The following CDK14 variants were observed in gnomAD, a reference collection of about 807,000 sequenced individuals.
CDK14 encodes the protein cyclin-dependent kinase 14.
CDK14 carries 34 observed loss-of-function variants against 60.7 expected under a neutral mutation model. That is an observed-to-expected ratio of 0.56 (90% CI 0.43 to 0.75). The LOEUF (loss-of-function observed/expected upper bound fraction) is 0.75, where lower values mean the gene tolerates loss of function less well. Ranked by LOEUF, CDK14 falls within the 30% of genes least tolerant of loss-of-function variation. CDK14 has a pLI of 0.00. For missense variants in CDK14, 482 were observed against 564.1 expected (o/e 0.85, Z 1.47); for synonymous variants, 197 against 203.7 (o/e 0.97, Z 0.28).
chr7:90,869,437 G>A (rs145383272), intron 6 of CDK14, among the ~76,000 whole-genome samples: 1 of 152,360 alleles, frequency 6.6e-6, no homozygotes, highest in African/African-American at 2.4e-5. Context: ...GACAAGGTTT[G>A]AGATGCAATG....
At chr7:90,829,113 T>A (rs996756310) in intron 5 of CDK14, among the ~76,000 whole-genome samples, 14 of 152,286 alleles carry the variant, frequency 9.2e-5, no homozygotes, top group African/African-American at 3.1e-4. Context: ...ATTCATTCAC[T>A]ATCATGAGCA....
At chr7:90,700,751 AT>A (rs1015340736) in intron 2 of CDK14, among the ~76,000 whole-genome samples, 1 of 152,050 alleles carries the variant, frequency 6.6e-6, no homozygotes, top group Non-Finnish European at 1.5e-5. Flanking sequence ...AAATCTGCCA[AT>A]TTTGCCTGAT....
intron 2 of CDK14, among the ~76,000 whole-genome samples, chr7:90,680,512 G>A (rs1801291785): frequency 6.6e-6 from 1 of 152,172 alleles, no homozygotes; most frequent in Admixed American, 6.5e-5. Context: ...AGCCAGATGA[G>A]ACCCTCAGGT....
chr7:91,156,413 GA>G, intron 14 of CDK14, among the ~76,000 whole-genome samples: 1 of 152,010 alleles, frequency 6.6e-6, no homozygotes, highest in Non-Finnish European at 1.5e-5. Flanking sequence ...GGATTCTTTA[GA>G]ACGGCTGTTT....
chr7:91,139,221 T>A (rs997183119), intron 14 of CDK14, among the ~76,000 whole-genome samples: 1 of 152,196 alleles, frequency 6.6e-6, no homozygotes, highest in Non-Finnish European at 1.5e-5. Flanking sequence ...CAGTGTTTTT[T>A]TAACTCCTTA....
chr7:91,089,977 C>T (rs1354432546), intron 12 of CDK14, among the ~76,000 whole-genome samples: 1 of 152,188 alleles, frequency 6.6e-6, no homozygotes, highest in Non-Finnish European at 1.5e-5. Context: ...ACTTTACCTT[C>T]CTATCTTAGA....
chr7:91,066,312 A>C (rs1423173372), intron 11 of CDK14, among the ~76,000 whole-genome samples: 2 of 152,120 alleles, frequency 1.3e-5, no homozygotes, highest in Non-Finnish European at 2.9e-5. Flanking sequence ...CTGAAGTTTG[A>C]GCCTTTTTAT....
intron 12 of CDK14, among the ~76,000 whole-genome samples, chr7:91,086,302 A>G (rs1798637488): frequency 1.3e-5 from 2 of 152,224 alleles, no homozygotes; most frequent in African/African-American, 4.8e-5. Flanking sequence ...AACATCAAGC[A>G]GACATTCCTT....
intron 9 of CDK14, among the ~76,000 whole-genome samples, chr7:90,973,506 TA>T (rs778602762): frequency 1.1e-4 from 16 of 152,280 alleles, no homozygotes; most frequent in Non-Finnish European, 1.8e-4. Context: ...TTTAAAATAT[TA>T]GAGTCTTTCT....
intron 11 of CDK14, among the ~76,000 whole-genome samples, chr7:91,048,089 T>C (rs1356488795): frequency 5.3e-5 from 8 of 152,096 alleles, no homozygotes; most frequent in Admixed American, 5.2e-4. Flanking sequence ...AGATAATAAA[T>C]TTAAGCAATT....
intron 8 of CDK14, among the ~76,000 whole-genome samples, chr7:90,941,509 C>T (rs780900794): frequency 1.9e-4 from 29 of 152,090 alleles, no homozygotes; most frequent in Non-Finnish European, 3.5e-4. Flanking sequence ...GGGTAAAGAG[C>T]GGTGGTGCAA....
chr7:90,956,700 G>T (rs1794426253), intron 9 of CDK14, among the ~76,000 whole-genome samples: 1 of 151,782 alleles, frequency 6.6e-6, no homozygotes, highest in Admixed American at 6.6e-5. Context: ...TGCCATGCTG[G>T]TGCGCTGCAC....
chr7:91,097,120 C>T (rs1799014881), intron 12 of CDK14, among the ~76,000 whole-genome samples: 1 of 152,096 alleles, frequency 6.6e-6, no homozygotes, highest in Admixed American at 6.5e-5. Context: ...GTGGCTCACA[C>T]CTGTAATCCC....
chr7:91,038,552 C>G (rs1004891853), intron 10 of CDK14, among the ~76,000 whole-genome samples: 3 of 152,108 alleles, frequency 2.0e-5, no homozygotes, highest in Non-Finnish European at 2.9e-5. Context: ...AGGGGCTTGT[C>G]CTGAGAAAAG....
intron 10 of CDK14, among the ~76,000 whole-genome samples, chr7:91,038,426 AAT>A (rs1310678893): frequency 4.6e-5 from 7 of 152,236 alleles, no homozygotes; most frequent in Admixed American, 4.6e-4. Flanking sequence ...CAATGAAAGA[AAT>A]AGACGTTTAT....
chr7:90,665,606 T>G (rs1307094102), intron 2 of CDK14, among the ~76,000 whole-genome samples: 2 of 152,156 alleles, frequency 1.3e-5, no homozygotes. Flanking sequence ...TGAGGGGAAG[T>G]TCTTTCAGGT....
intron 5 of CDK14, among the ~76,000 whole-genome samples, chr7:90,831,522 A>C (rs10272965): frequency 0.44 from 67,511 of 151,886 alleles, 15,873 homozygotes; most frequent in East Asian, 0.85. Flanking sequence ...TACAATTTTT[A>C]GATTAGATTT....
At chr7:91,105,511 CA>C (rs763543139) in intron 12 of CDK14, among the ~76,000 whole-genome samples, 1 of 152,168 alleles carries the variant, frequency 6.6e-6, no homozygotes, top group Non-Finnish European at 1.5e-5. Context: ...TCTTGGAAAC[CA>C]ACAGCAAGAA....
chr7:90,665,834 C>T (rs538728246), intron 2 of CDK14, among the ~76,000 whole-genome samples: 1 of 75,350 alleles, frequency 1.3e-5, no homozygotes, highest in African/African-American at 5.8e-5. Flanking sequence ...CAAATGTAGA[C>T]TGGGAAGTTG....
Sources: gnomAD v4.1 joint callset for allele counts (sites outside exome capture counted in the v4.1 genomes callset) on GRCh38, gnomAD v4.1.1 for gene constraint, MANE v1.5 for transcripts, NCBI Gene and HGNC (gene_info 2026-07-23, HGNC 2026-07-21) for gene names.